The following BICC1 variants were observed in gnomAD, a reference collection of about 807,000 sequenced individuals.
BICC1 encodes the protein BicC family RNA binding protein 1.
In BICC1, 43 loss-of-function variants were observed where a neutral mutation model predicts 111.0. The ratio of observed to expected loss-of-function variants is 0.39; its 90% CI spans 0.30 to 0.50. The LOEUF (loss-of-function observed/expected upper bound fraction) is 0.50. BICC1 is among the 20% of genes least tolerant of loss of function. The pLI is 0.88. For synonymous variants in BICC1, 467 were observed against 434.4 expected, an observed-to-expected ratio of 1.07 and a Z score of -0.93; for missense variants, 1,091 against 1,203.2, an observed-to-expected ratio of 0.91 and a Z score of 1.38.
chr10:58,756,978 A>G (rs1368223996), intron 3 of BICC1, among the ~76,000 whole-genome samples: 1 of 152,150 alleles, frequency 6.6e-6, no homozygotes, highest in Non-Finnish European at 1.5e-5. Flanking sequence ...AATAATTTTC[A>G]TTGGTGCTAA....
intron 3 of BICC1, among the ~76,000 whole-genome samples, chr10:58,722,574 G>A (rs182573659): frequency 1.5e-4 from 23 of 152,164 alleles, no homozygotes; most frequent in Admixed American, 7.8e-4. Flanking sequence ...ATTCACCTCC[G>A]TGGTTAGCAA....
intron 1 of BICC1, among the ~76,000 whole-genome samples, chr10:58,592,875 C>CA (rs969508229): frequency 0.024 from 1,128 of 46,592 alleles, 55 homozygotes; most frequent in Admixed American, 0.032. Context: ...GACTCCGTCT[C>CA]AAAAAAAAAA....
intron 3 of BICC1, among the ~76,000 whole-genome samples, chr10:58,772,289 A>T (rs949960953): frequency 3.2e-4 from 49 of 152,006 alleles, no homozygotes; most frequent in East Asian, 7.7e-4. Context: ...ATTTTTTTTT[A>T]AAAAAAGAGC....
At position 58,793,627 on chromosome 10, in the gene BICC1, G is replaced by A. The variant is rs768616932; in HGVS notation, c.1179+12G>A. The A allele has an allele frequency of 1.3e-5, 21 of 1,612,810 alleles. No homozygotes were observed. Among genetic ancestry groups the A allele is most frequent in the Middle Eastern group, 1.6e-4 (1 of 6,074 alleles). ...AACAGCCAAGCAAGGTTGGTTCAGA[G>A]TCTGAATCCAGAGAATTATGTATCA... On this transcript the variant is annotated intron_variant, in intron 9 of 20. Coordinates refer to ENST00000373886, the MANE Select transcript of BICC1 (RefSeq NM_001080512.3).
chr10:58,593,817 C>A (rs1342487883), intron 1 of BICC1, among the ~76,000 whole-genome samples: 1 of 152,102 alleles, frequency 6.6e-6, no homozygotes, highest in Non-Finnish European at 1.5e-5. Context: ...CGCCTCTTCT[C>A]CTCCAAAGGA....
chr10:58,760,619 A>G (rs1842286478), intron 3 of BICC1, among the ~76,000 whole-genome samples: 2 of 152,212 alleles, frequency 1.3e-5, no homozygotes, highest in South Asian at 4.2e-4. Context: ...AAAATAAAAA[A>G]TGATGAGACT....
intron 1 of BICC1, among the ~76,000 whole-genome samples, chr10:58,579,276 C>T (rs577827544): frequency 2.4e-4 from 36 of 152,246 alleles, no homozygotes; most frequent in African/African-American, 7.7e-4. Context: ...GGCAATAGTC[C>T]GCTCCTTGCT....
chr10:58,632,448 C>T (rs1174852950), intron 2 of BICC1, among the ~76,000 whole-genome samples: 1 of 151,924 alleles, frequency 6.6e-6, no homozygotes, highest in African/African-American at 2.4e-5. Context: ...GGAGAAGTGG[C>T]ACAGAAGTGC....
At chr10:58,740,465 C>G (rs1259371613) in intron 3 of BICC1, among the ~76,000 whole-genome samples, 3 of 152,060 alleles carry the variant, frequency 2.0e-5, no homozygotes, top group Admixed American at 6.6e-5. Context: ...TTGGATAAAT[C>G]AAATGATTTA....
intron 1 of BICC1, among the ~76,000 whole-genome samples, chr10:58,601,380 C>T (rs1478429590): frequency 6.6e-6 from 1 of 150,980 alleles, no homozygotes; most frequent in Non-Finnish European, 1.5e-5. Flanking sequence ...AATCATTTTT[C>T]CTTATTGCTT....
intron 1 of BICC1, among the ~76,000 whole-genome samples, chr10:58,619,194 A>G (rs1454178628): frequency 6.6e-6 from 1 of 152,168 alleles, no homozygotes; most frequent in Non-Finnish European, 1.5e-5. Flanking sequence ...GTACATGAAC[A>G]CCTTTGCTAG....
intron 2 of BICC1, among the ~76,000 whole-genome samples, chr10:58,638,170 C>T (rs575508015): frequency 3.3e-5 from 5 of 151,876 alleles, no homozygotes; most frequent in Non-Finnish European, 7.4e-5. Context: ...CAGAGCAGGG[C>T]TGGAAATAGT....
intron 2 of BICC1, among the ~76,000 whole-genome samples, chr10:58,688,918 T>C (rs1839832398): frequency 6.6e-6 from 1 of 151,990 alleles, no homozygotes; most frequent in Non-Finnish European, 1.5e-5. Context: ...TTAGGAGAAA[T>C]ACCTAATGTA....
At chr10:58,722,122 A>G (rs1206476727) in intron 3 of BICC1, among the ~76,000 whole-genome samples, 2 of 152,218 alleles carry the variant, frequency 1.3e-5, no homozygotes, top group Admixed American at 6.5e-5. Flanking sequence ...GATGGAGTTT[A>G]ATAGACTAAT....
chr10:58,751,282 T>G (rs1389362334), intron 3 of BICC1, among the ~76,000 whole-genome samples: 2 of 152,230 alleles, frequency 1.3e-5, no homozygotes, highest in South Asian at 4.1e-4. Context: ...CTAAAGTGAT[T>G]CTAATATAAA....
At chr10:58,633,792 G>A (rs1343821140) in intron 2 of BICC1, among the ~76,000 whole-genome samples, 1 of 151,958 alleles carries the variant, frequency 6.6e-6, no homozygotes, top group African/African-American at 2.4e-5. Flanking sequence ...TAGAAAATTG[G>A]GTTCCATTTG....
intron 1 of BICC1, among the ~76,000 whole-genome samples, chr10:58,521,059 A>G (rs1050797176): frequency 6.6e-6 from 1 of 152,136 alleles, no homozygotes. Context: ...TTTCTGTTTC[A>G]TTAAAGGTTC....
intron 1 of BICC1, among the ~76,000 whole-genome samples, chr10:58,589,853 G>A (rs1844550216): frequency 6.6e-6 from 1 of 151,830 alleles, no homozygotes; most frequent in Non-Finnish European, 1.5e-5. Flanking sequence ...GGAGTGCAGT[G>A]GCTATTCATA....
At chr10:58,562,023 T>A (rs1362118052) in intron 1 of BICC1, among the ~76,000 whole-genome samples, 1 of 152,148 alleles carries the variant, frequency 6.6e-6, no homozygotes, top group African/African-American at 2.4e-5. Flanking sequence ...TACTTCATGC[T>A]TTTCTCTTGC....
Sources: gnomAD v4.1 joint callset for allele counts (sites outside exome capture counted in the v4.1 genomes callset) on GRCh38, gnomAD v4.1.1 for gene constraint, MANE v1.5 for transcripts, NCBI Gene and HGNC (gene_info 2026-07-23, HGNC 2026-07-21) for gene names.